C2CD3: variants seen among roughly 807,000 people sequenced by gnomAD.
C2CD3 encodes C2 domain containing 3 centriole elongation regulator.
Under a neutral mutation model 234.0 loss-of-function variants are expected in C2CD3, and 148 were observed. That is an observed-to-expected ratio of 0.63 (90% CI 0.55 to 0.72). C2CD3 has a LOEUF of 0.72. Ranked by LOEUF, C2CD3 falls within the 30% of genes least tolerant of loss-of-function variation. The pLI, the probability that C2CD3 is intolerant of heterozygous loss-of-function variation, is 0.00. For synonymous variants in C2CD3, 1,000 were observed against 1,035.4 expected, an observed-to-expected ratio of 0.97 and a Z score of 0.66; for missense variants, 2,577 against 2,811.5, an observed-to-expected ratio of 0.92 and a Z score of 1.89.
intron 19 of C2CD3, chr11:74,091,417 G>A (rs1458250010): frequency 6.5e-6 from 1 of 153,658 alleles, no homozygotes; most frequent in African/African-American, 2.4e-5. Context: ...TGGAATAACA[G>A]AATAAGCTGA....
rs960201636 is a variant in C2CD3 at position 74,111,939 on chromosome 11, C to T, written c.1843+1841G>A. On this transcript the variant is annotated intron_variant, in intron 11 of 32. Coordinates refer to ENST00000334126, the MANE Select transcript of C2CD3 (RefSeq NM_001286577.2). ...GCTGATACACACACACACACACACA[C>T]ACACACACACACACACACACACACA... Among the ~76,000 whole-genome samples the T allele has an allele frequency of 4.5e-4, 65 of 143,044 alleles. 1 individual carries two copies. Among genetic ancestry groups the T allele is most frequent in the African/African-American group, 1.6e-3 (59 of 37,978 alleles). The allele number at this position is 143,044 out of a possible 152,430, so 93.8% of individuals were successfully genotyped here.
chr11:74,154,535 A>G (rs1565352010), intron 3 of C2CD3, among the ~76,000 whole-genome samples: 1 of 152,198 alleles, frequency 6.6e-6, no homozygotes, highest in Non-Finnish European at 1.5e-5. Flanking sequence ...TAAAAAAGAT[A>G]AGCTTATTTT....
At chr11:74,164,780 T>C (rs1856696697) in intron 2 of C2CD3, 1 of 152,162 alleles carries the variant, frequency 6.6e-6, no homozygotes, top group Non-Finnish European at 1.5e-5. Context: ...AAAATAGATA[T>C]GAAGAAAGTG....
intron 3 of C2CD3, among the ~76,000 whole-genome samples, chr11:74,157,560 G>T (rs960457698): frequency 2.6e-5 from 4 of 152,012 alleles, no homozygotes; most frequent in African/African-American, 9.7e-5. Flanking sequence ...TCTGGAATCT[G>T]TTCCACTGAC....
At chr11:74,122,930 C>T in intron 8 of C2CD3, 58 bp downstream of exon 8, 2 of 1,432,984 alleles carry the variant, frequency 1.4e-6, no homozygotes, top group Non-Finnish European at 2.0e-6. Flanking sequence ...CCTGCAGCTA[C>T]TAATATTATT....
intron 8 of C2CD3, among the ~76,000 whole-genome samples, chr11:74,120,811 G>A (rs1307405206): frequency 1.3e-5 from 2 of 152,130 alleles, no homozygotes. Flanking sequence ...AGATGGCTAA[G>A]AGCATTTCAA....
At chr11:74,092,725 T>C in intron 18 of C2CD3, 137 bp from the exon 19 acceptor site, 1 of 654,288 alleles carries the variant, frequency 1.5e-6, no homozygotes, top group Non-Finnish European at 2.5e-6. Flanking sequence ...CTATGGTGTC[T>C]GGCTAAATTT....
Position 74,034,135 on chromosome 11 carries a change from C to T in C2CD3, c.6025G>A (p.Val2009Ile). 3.3e-6 allele frequency: 5 copies of T among 1,536,178 alleles called. No individual in the cohort carries two copies. The highest frequency in any genetic ancestry group is 3.5e-6 in the Non-Finnish European group (4 of 1,146,902). Residue 2009 changes from valine (V) to isoleucine (I), a missense_variant, in exon 31 of 33, where the codon GTA becomes ATA. Transcript: ENST00000334126. Reference protein sequence around the residue: ...ERCTMPDEPLVRAPDKGTDSP... With the variant: ...ERCTMPDEPLIRAPDKGTDSP... Reference sequence around the variant, plus strand: ...TCTGTGCCTTTATCTGGAGCTCTTACCAATGGCTCATCTGGCATTGTGCAT... The same window carrying T: ...TCTGTGCCTTTATCTGGAGCTCTTATCAATGGCTCATCTGGCATTGTGCAT...
At chr11:74,133,048 T>A in intron 6 of C2CD3, 76 bp from the exon 7 acceptor site, 1 of 1,406,906 alleles carries the variant, frequency 7.1e-7, no homozygotes, top group South Asian at 1.2e-5. Context: ...ACTTCGTACA[T>A]GCAGCTGGTC....
intron 10 of C2CD3, among the ~76,000 whole-genome samples, chr11:74,114,163 C>T (rs1295355460): frequency 6.6e-6 from 1 of 152,170 alleles, no homozygotes; most frequent in African/African-American, 2.4e-5. Context: ...CTCCTGCTAA[C>T]TGTAAGATAT....
At chr11:74,074,110 G>A (rs1000099395) in intron 24 of C2CD3, 143 bp downstream of exon 24, 1 of 678,414 alleles carries the variant, frequency 1.5e-6, no homozygotes. Flanking sequence ...AAGCTTTCAT[G>A]TTGCTTAAAC....
chr11:74,131,654 C>T (rs1306677200), intron 7 of C2CD3, among the ~76,000 whole-genome samples: 1 of 151,430 alleles, frequency 6.6e-6, no homozygotes, highest in East Asian at 1.9e-4. Context: ...AGCATGTTCT[C>T]GGCTCATTGC....
intron 20 of C2CD3, among the ~76,000 whole-genome samples, chr11:74,086,809 T>A (rs898252035): frequency 3.3e-5 from 5 of 152,226 alleles, no homozygotes; most frequent in Non-Finnish European, 7.3e-5. Flanking sequence ...AGTTGACATC[T>A]AGGCAAAGAA....
At chr11:74,057,737 AAG>A (rs1565237935) in intron 24 of C2CD3, among the ~76,000 whole-genome samples, 193 bp from the exon 25 acceptor site, 1 of 152,106 alleles carries the variant, frequency 6.6e-6, no homozygotes, top group African/African-American at 2.4e-5. Flanking sequence ...TTGGGAGACC[AAG>A]GTAGGAGGAC....
chr11:74,085,856 CT>C lies in C2CD3; in HGVS notation c.3671del (p.Gln1224ArgfsTer49). The C allele has an allele frequency of 6.2e-7, 1 of 1,613,866 alleles. No homozygotes were observed. The highest frequency in any genetic ancestry group is 8.5e-7 in the Non-Finnish European group (1 of 1,179,876). On this transcript the variant is annotated frameshift_variant, in exon 21 of 33. Coordinates refer to ENST00000334126, the MANE Select transcript of C2CD3 (RefSeq NM_001286577.2). LOFTEE classifies it high-confidence loss of function. Reference protein sequence around the residue: ...KALAEREPALQFSATVGVNAS... With the variant: ...KALAEREPALXFSATVGVNAS... ...CATTGACCCCGACTGTGGCACTAAA[CT>C]GTAGAGCGGGTTCCCGTTCAGCCAA...
chr11:74,134,936 G>A (rs1444182022), intron 5 of C2CD3, among the ~76,000 whole-genome samples: 1 of 151,966 alleles, frequency 6.6e-6, no homozygotes, highest in Non-Finnish European at 1.5e-5. Context: ...TGTTGCCCAG[G>A]CTGGTCTTGA....
chr11:74,152,698 G>A (rs1855741276), intron 3 of C2CD3, among the ~76,000 whole-genome samples: 1 of 152,032 alleles, frequency 6.6e-6, no homozygotes, highest in South Asian at 2.1e-4. Context: ...TGTGTTCATC[G>A]TAAGACTGAT....
chr11:74,045,700 T>G (rs762079122), intron 28 of C2CD3, among the ~76,000 whole-genome samples: 13 of 151,994 alleles, frequency 8.6e-5, no homozygotes, highest in Admixed American at 2.0e-4. Flanking sequence ...GTCTCCCGAG[T>G]AGCTGGGACT....
At chr11:74,107,001 T>A (rs1259713423) in intron 12 of C2CD3, among the ~76,000 whole-genome samples, 1 of 152,170 alleles carries the variant, frequency 6.6e-6, no homozygotes, top group East Asian at 1.9e-4. Context: ...GGCCCAGTAA[T>A]TCCATTTCTG....
Sources: allele counts gnomAD v4.1 joint callset (sites outside exome capture counted in the v4.1 genomes callset), GRCh38; gene constraint gnomAD v4.1.1; transcripts MANE v1.5; gene names NCBI Gene and HGNC (gene_info 2026-07-23, HGNC 2026-07-21).